The following FUBP1 variants were observed in gnomAD, a reference collection of about 807,000 sequenced individuals.
The protein encoded by FUBP1 is far upstream element-binding protein 1.
FUBP1 carries 16 observed loss-of-function variants against 94.9 expected under a neutral mutation model. The ratio of observed to expected loss-of-function variants is 0.17; its 90% CI spans 0.11 to 0.26. The LOEUF (loss-of-function observed/expected upper bound fraction) is 0.26. Ranked by LOEUF, FUBP1 falls within the 10% of genes least tolerant of loss-of-function variation. FUBP1 has a pLI of 1.00. For synonymous variants in FUBP1, 279 were observed against 254.9 expected, an observed-to-expected ratio of 1.09 and a Z score of -0.90; for missense variants, 583 against 808.6, an observed-to-expected ratio of 0.72 and a Z score of 3.38.
Position 77,949,144 on chromosome 1 carries a change from T to C in FUBP1, c.1926+11A>G, listed in dbSNP as rs1652843521. 1.9e-6 allele frequency: 3 copies of C among 1,607,950 alleles called. No homozygotes were observed. The highest frequency in any genetic ancestry group is 1.1e-5 in the South Asian group (1 of 90,816). ...GGAGTAGAAATCAACAAATTAGCAA[T>C]TACATTATACCTGAGGTGCTGGAGG... On this transcript the variant is annotated intron_variant, in intron 19 of 19. Transcript: ENST00000370768.
chr1:77,966,826 A>AG, intron 6 of FUBP1, 58 bp downstream of exon 6: 1 of 1,319,908 alleles, frequency 7.6e-7, no homozygotes, highest in Non-Finnish European at 1.1e-6. Context: ...AAGGCTTAAA[A>AG]AAAAAAAAAA....
chr1:77,956,797 A>C, intron 16 of FUBP1, 97 bp from the exon 17 acceptor site: 1 of 739,818 alleles, frequency 1.4e-6, no homozygotes, highest in African/African-American at 1.8e-5. Flanking sequence ...TGGCAAATAT[A>C]CAGCCCCCAA....
chr1:77,965,093 C>A lies in FUBP1; in HGVS notation c.612G>T (p.Gly204=). ...ASKAGLVIGK[G]GETIKQLQER... is the part of the protein sequence containing the mutation. ...CCTGAAGCTGTTTAATAGTTTCTCC[C>A]CCTTTTCCAATGACTAATCCTGCCT... The change falls in exon 8 of 20, where the codon GGG becomes GGT. Residue 204 remains glycine (G), a synonymous_variant. Transcript: ENST00000370768. 1 of 1,612,010 alleles carries A rather than the reference C, an allele frequency of 6.2e-7. No individual in the cohort carries two copies. The highest frequency in any genetic ancestry group is 8.5e-7 in the Non-Finnish European group (1 of 1,178,222).
chr1:77,966,806 T>C (rs904559068), intron 6 of FUBP1, 55 bp from the exon 7 acceptor site: 7 of 1,299,414 alleles, frequency 5.4e-6, no homozygotes, highest in Non-Finnish European at 7.8e-6. Flanking sequence ...AGTAGCATTA[T>C]TGTTACTAGA....
chr1:77,955,723 T>C (rs77315640), intron 17 of FUBP1, among the ~76,000 whole-genome samples: 1,790 of 152,234 alleles, frequency 0.012, 32 homozygotes, highest in African/African-American at 0.042. Flanking sequence ...TATATCGATG[T>C]TTATGTGTTT....
At chr1:77,970,841 TC>T (rs1657390045) in intron 1 of FUBP1, among the ~76,000 whole-genome samples, 2 of 152,068 alleles carry the variant, frequency 1.3e-5, no homozygotes, top group Admixed American at 1.3e-4. Flanking sequence ...GCTCAGGAGT[TC>T]GAGAGCAGCC....
At chr1:77,960,091 G>T in intron 16 of FUBP1, 93 bp downstream of exon 16, 2 of 852,838 alleles carry the variant, frequency 2.3e-6, no homozygotes, top group Non-Finnish European at 3.9e-6. Context: ...TGAAGGTGAT[G>T]CATACAAATG....
chr1:77,952,892 C>T (rs1028181421), intron 18 of FUBP1, among the ~76,000 whole-genome samples: 4 of 152,184 alleles, frequency 2.6e-5, no homozygotes, highest in Non-Finnish European at 4.4e-5. Context: ...AATCCCAACA[C>T]TTTGCGAGGC....
In FUBP1 at chr1:77,948,501, C is replaced by T. The variant is rs1652645850; in HGVS notation, c.*265G>A. ...CATTTATATCACAAAGCATCAACCA[C>T]ATAATTGCAAATACATTTGCTGGAA... On this transcript the variant is annotated 3_prime_UTR_variant, in exon 20 of 20. Coordinates refer to ENST00000370768, the MANE Select transcript of FUBP1 (RefSeq NM_003902.5). 10 of 1,233,246 alleles carry T rather than the reference C, an allele frequency of 8.1e-6. No homozygotes were observed. The highest frequency in any genetic ancestry group is 1.0e-5 in the Non-Finnish European group (10 of 983,662). 76.4% of individuals were successfully genotyped at this position (1,233,246 alleles called of 1,614,324 possible). A position where few individuals can be genotyped will look rare whatever the true frequency, so the allele number is the denominator to read the frequency against.
At chr1:77,967,400 C>A (rs893563530) in intron 4 of FUBP1, among the ~76,000 whole-genome samples, 4 of 152,074 alleles carry the variant, frequency 2.6e-5, no homozygotes, top group Non-Finnish European at 5.9e-5. Context: ...TAATTCACCC[C>A]TGTTCTTCTA....
chr1:77,947,719 A>C lies in FUBP1; in HGVS notation c.*1047T>G. 1.8e-6 allele frequency: 1 copy of C among 552,826 alleles called. No homozygotes were observed. Among genetic ancestry groups the C allele is most frequent in the South Asian group, 1.9e-5 (1 of 52,558 alleles). 34.2% of individuals were successfully genotyped at this position (552,826 alleles called of 1,614,324 possible). A position where few individuals can be genotyped will look rare whatever the true frequency, so the allele number is the denominator to read the frequency against. ...AAAATGACTTCAAGTACATAAAAAA[A>C]TTAAGTTGATTCAATGATTGGACTT... is the stretch of plus-strand genomic sequence containing the variant. On this transcript the variant is annotated 3_prime_UTR_variant, in exon 20 of 20. Coordinates refer to ENST00000370768, the MANE Select transcript of FUBP1 (RefSeq NM_003902.5).
At position 77,956,550 on chromosome 1, in the gene FUBP1, A is replaced by G. The variant is rs375086166; in HGVS notation, c.1705+22T>C. ...TCCAAGCACAACTTTTGGCTTTCAC[A>G]TACAATAAGTTCTGTAGTTACCTTG... On this transcript the variant is annotated intron_variant, in intron 17 of 19. Transcript: ENST00000370768. The G allele has an allele frequency of 2.5e-6, 4 of 1,596,882 alleles. No homozygotes were observed. In the African/African-American group the frequency reaches 4.0e-5, roughly 16 times the overall value.
chr1:77,956,742 AATTCTCTCTCACACACACAC>A, intron 16 of FUBP1, 42 bp from the exon 17 acceptor site: 4 of 1,556,106 alleles, frequency 2.6e-6, no homozygotes, highest in Non-Finnish European at 3.5e-6. Flanking sequence ...TGAAGTCTGT[AATTCTCTCTCACACACACAC>A]ACACCACCCC....
intron 18 of FUBP1, among the ~76,000 whole-genome samples, chr1:77,954,831 C>T (rs1259155562): frequency 2.6e-5 from 4 of 152,102 alleles, no homozygotes; most frequent in Non-Finnish European, 4.4e-5. Context: ...GGACTCAGAC[C>T]CTCTTGGAAG....
chr1:77,979,335 TG>T (rs1222820442), upstream of FUBP1: 1 of 288,454 alleles, frequency 3.5e-6, no homozygotes, highest in Non-Finnish European at 6.6e-6. Context: ...TGGGTGATAG[TG>T]GCCAGTTGAC....
At chr1:77,967,358 G>A (rs1656700909) in intron 4 of FUBP1, among the ~76,000 whole-genome samples, 1 of 152,164 alleles carries the variant, frequency 6.6e-6, no homozygotes, top group Non-Finnish European at 1.5e-5. Context: ...AGTTGAAGTG[G>A]AGTTTAGAGA....
At chr1:77,963,316 G>A (rs1211135548) in intron 13 of FUBP1, among the ~76,000 whole-genome samples, 1 of 152,042 alleles carries the variant, frequency 6.6e-6, no homozygotes, top group African/African-American at 2.4e-5. Context: ...CACTTTTTGG[G>A]TCAAAAGACA....
At position 77,979,060 on chromosome 1, in the gene FUBP1, C is replaced by A. The variant is rs186975933; in HGVS notation, c.-56G>T. 3 of 1,506,054 alleles carry A rather than the reference C, an allele frequency of 2.0e-6. No individual in the cohort carries two copies. Among genetic ancestry groups the A allele is most frequent in the East Asian group, 2.4e-5 (1 of 41,652 alleles). The allele number at this position is 1,506,054 out of a possible 1,614,324, so 93.3% of individuals were successfully genotyped here. A position where few individuals can be genotyped will look rare whatever the true frequency, so the allele number is the denominator to read the frequency against. ...TCAGAGACTTCCTCTCAGCTAACAG[C>A]TAAGAAAGAAAGAAAATGGCGGCCG... On this transcript the variant is annotated 5_prime_UTR_variant, in exon 1 of 20. Transcript: ENST00000370768.
rs1652570098 is a variant in FUBP1 at position 77,948,147 on chromosome 1, C to CA, written c.*618dup. The CA allele has an allele frequency of 9.6e-7, 1 of 1,039,822 alleles. No homozygotes were observed. The highest frequency in any genetic ancestry group is 1.2e-6 in the Non-Finnish European group (1 of 862,942). The allele number at this position is 1,039,822 out of a possible 1,614,324, so 64.4% of individuals were successfully genotyped here. A position where few individuals can be genotyped will look rare whatever the true frequency, so the allele number is the denominator to read the frequency against. ...GGAAGTATGCCAAAAGATCATTGTA[C>CA]ACACATGCAGTTTTTAATCAAACAG... On this transcript the variant is annotated 3_prime_UTR_variant, in exon 20 of 20. Transcript: ENST00000370768.
Sources: allele counts gnomAD v4.1 joint callset (sites outside exome capture counted in the v4.1 genomes callset), GRCh38; gene constraint gnomAD v4.1.1; transcripts MANE v1.5; gene names NCBI Gene and HGNC (gene_info 2026-07-23, HGNC 2026-07-21).